The following LRRC1 variants were observed in gnomAD, a reference collection of about 807,000 sequenced individuals.
The protein encoded by LRRC1 is leucine-rich repeat-containing protein 1.
Under a neutral mutation model 69.9 loss-of-function variants are expected in LRRC1, and 28 were observed. The ratio of observed to expected loss-of-function variants is 0.40; its 90% confidence interval spans 0.30 to 0.55. The LOEUF (loss-of-function observed/expected upper bound fraction) is 0.55. Ranked by LOEUF, LRRC1 falls within the 20% of genes least tolerant of loss-of-function variation. The pLI, the probability that LRRC1 is intolerant of heterozygous loss-of-function variation, is 0.47. For missense variants in LRRC1, 498 were observed against 609.0 expected (o/e 0.82, Z 1.92); for synonymous variants, 236 against 240.2 (o/e 0.98, Z 0.16).
chr6:53,900,020 G>GTTTTTTTTTTT (rs869246243), intron 8 of LRRC1, 129 bp downstream of exon 8: 4 of 190,432 alleles, frequency 2.1e-5, no homozygotes, highest in African/African-American at 1.4e-4. Context: ...TCTCCTTACT[G>GTTTTTTTTTTT]TTTTTTTTTT....
At position 53,899,909 on chromosome 6, in the gene LRRC1, C is replaced by T. The variant is rs1472624322; in HGVS notation, c.787+18C>T. The T allele has an allele frequency of 2.5e-6, 4 of 1,607,582 alleles. No individual in the cohort carries two copies. The highest frequency in any genetic ancestry group is 3.4e-6 in the Non-Finnish European group (4 of 1,175,972). On this transcript the variant is annotated intron_variant, in intron 8 of 13. Transcript: ENST00000370888. ...TGGCATTGGTAAGCATTGGAAATCA[C>T]TAACTGCTAAACATACTGCCTGCCG...
intron 1 of LRRC1, among the ~76,000 whole-genome samples, chr6:53,798,955 G>C (rs1764385859): frequency 6.6e-6 from 1 of 152,192 alleles, no homozygotes; most frequent in Admixed American, 6.5e-5. Context: ...CTTCCCCTCT[G>C]TACTTCCTCA....
intron 2 of LRRC1, among the ~76,000 whole-genome samples, chr6:53,873,449 G>A (rs1461508116): frequency 1.1e-4 from 15 of 141,740 alleles, no homozygotes; most frequent in East Asian, 9.6e-4. Context: ...CCGCCACCAC[G>A]CCCGGCTAAT....
chr6:53,842,766 G>A (rs2127416518), intron 2 of LRRC1, among the ~76,000 whole-genome samples: 1 of 152,284 alleles, frequency 6.6e-6, no homozygotes, highest in African/African-American at 2.4e-5. Flanking sequence ...GAACAGACCT[G>A]CTTGCGTTCA....
intron 8 of LRRC1, 109 bp from the exon 9 acceptor site, chr6:53,902,520 A>G (rs1033065455): frequency 1.9e-4 from 111 of 584,458 alleles, no homozygotes; most frequent in Middle Eastern, 3.5e-4. Context: ...AGGAAAAAAT[A>G]AGTAACTGTT....
chr6:53,883,106 C>T (rs1174233500), intron 4 of LRRC1, 130 bp downstream of exon 4: 1 of 606,358 alleles, frequency 1.6e-6, no homozygotes, highest in Non-Finnish European at 2.8e-6. Context: ...TTAATGTGAC[C>T]TTCAAGAAAG....
At chr6:53,920,540 T>C (rs1768706798) in intron 12 of LRRC1, 85 bp from the exon 13 acceptor site, 1 of 1,523,202 alleles carries the variant, frequency 6.6e-7, no homozygotes, top group South Asian at 1.1e-5. Flanking sequence ...TCCGTATAGA[T>C]TCTACCTTGT....
chr6:53,809,717 G>A (rs556000655), intron 1 of LRRC1, among the ~76,000 whole-genome samples: 17 of 152,296 alleles, frequency 1.1e-4, no homozygotes, highest in African/African-American at 4.1e-4. Context: ...TAACTTCTGT[G>A]GTTTCAATTC....
At chr6:53,898,551 T>C (rs1202861084) in intron 7 of LRRC1, among the ~76,000 whole-genome samples, 2 of 152,240 alleles carry the variant, frequency 1.3e-5, no homozygotes, top group Non-Finnish European at 2.9e-5. Context: ...TGTAAATGAT[T>C]ATTTAAAAAT....
At chr6:53,828,656 A>G (rs1220285640) in intron 1 of LRRC1, among the ~76,000 whole-genome samples, 2 of 152,220 alleles carry the variant, frequency 1.3e-5, no homozygotes, top group Non-Finnish European at 2.9e-5. Flanking sequence ...TTAAATTTAC[A>G]TGCTATGTTT....
At chr6:53,847,627 T>C (rs1765989541) in intron 2 of LRRC1, among the ~76,000 whole-genome samples, 1 of 152,198 alleles carries the variant, frequency 6.6e-6, no homozygotes, top group Non-Finnish European at 1.5e-5. Flanking sequence ...AGTAGGGACA[T>C]TGTCTCATCT....
intron 2 of LRRC1, among the ~76,000 whole-genome samples, chr6:53,871,714 C>A (rs377753669): frequency 6.6e-6 from 1 of 152,118 alleles, no homozygotes; most frequent in Non-Finnish European, 1.5e-5. Flanking sequence ...GTTGCCCAGG[C>A]TTGGGTGCAG....
chr6:53,894,935 C>CTT (rs563962682), intron 4 of LRRC1, among the ~76,000 whole-genome samples: 5 of 141,482 alleles, frequency 3.5e-5, no homozygotes, highest in Non-Finnish European at 3.1e-5. Context: ...GTTTTTTTTT[C>CTT]TTTTTTTTTT....
intron 1 of LRRC1, among the ~76,000 whole-genome samples, chr6:53,834,158 T>C (rs1765542164): frequency 6.6e-6 from 1 of 152,218 alleles, no homozygotes; most frequent in East Asian, 1.9e-4. Flanking sequence ...GCTTTCCCTG[T>C]TTCTTTCAGC....
At chr6:53,823,673 C>T (rs943063402) in intron 1 of LRRC1, among the ~76,000 whole-genome samples, 4 of 152,044 alleles carry the variant, frequency 2.6e-5, no homozygotes, top group Non-Finnish European at 4.4e-5. Flanking sequence ...TCAGGTAGGC[C>T]CCAGTATCTA....
chr6:53,918,511 T>C (rs1460692025), intron 11 of LRRC1, among the ~76,000 whole-genome samples: 1 of 152,258 alleles, frequency 6.6e-6, no homozygotes, highest in Non-Finnish European at 1.5e-5. Flanking sequence ...TACCATTTAC[T>C]CTGATTAGTT....
At chr6:53,909,943 A>G (rs1372121678) in intron 10 of LRRC1, among the ~76,000 whole-genome samples, 1 of 152,172 alleles carries the variant, frequency 6.6e-6, no homozygotes, top group African/African-American at 2.4e-5. Context: ...TGGAAGATAA[A>G]CAGACGTGAC....
At chr6:53,854,484 C>G (rs1001037866) in intron 2 of LRRC1, among the ~76,000 whole-genome samples, 3 of 152,012 alleles carry the variant, frequency 2.0e-5, no homozygotes, top group Non-Finnish European at 2.9e-5. Context: ...TACTGTGTAC[C>G]AGGTATGAGG....
intron 2 of LRRC1, among the ~76,000 whole-genome samples, chr6:53,875,304 A>G (rs778546697): frequency 2.6e-5 from 4 of 152,226 alleles, no homozygotes; most frequent in Non-Finnish European, 5.9e-5. Flanking sequence ...AATATATACA[A>G]TGTGCTTTTC....
Sources: allele counts gnomAD v4.1 joint callset (sites outside exome capture counted in the v4.1 genomes callset), GRCh38; gene constraint gnomAD v4.1.1; transcripts MANE v1.5; gene names NCBI Gene and HGNC (gene_info 2026-07-23, HGNC 2026-07-21).